PIP5K1B: variants seen among roughly 807,000 people sequenced by gnomAD.
PIP5K1B encodes phosphatidylinositol 4-phosphate 5-kinase type-1 beta.
In PIP5K1B, 42 loss-of-function variants were observed where a neutral mutation model predicts 67.0. The observed-to-expected ratio is 0.63, with a 90% CI of 0.49 to 0.81. The LOEUF is 0.81. Ranked by LOEUF, PIP5K1B falls within the 30% of genes least tolerant of loss-of-function variation. The pLI is 0.00. For missense variants in PIP5K1B, 459 were observed against 646.3 expected, an observed-to-expected ratio of 0.71 and a Z score of 3.14; for synonymous variants, 214 against 231.4, an observed-to-expected ratio of 0.92 and a Z score of 0.68.
Position 68,935,011 on chromosome 9 carries a change from T to C in PIP5K1B, c.1323T>C (p.Thr441=), listed in dbSNP as rs1411202436. The change falls in exon 13 of 16, where the codon ACT becomes ACC. Residue 441 remains threonine, a synonymous_variant. Transcript: ENST00000265382. The part of the protein sequence containing the change: ...EWKDEKRDLL[T]EGQSFSSLDE... ...AGGATGAGAAGCGGGATTTGCTGAC[T>C]GAAGGACAAAGTTTTAGCAGCCTTG... 2 of 1,613,634 alleles carry C rather than the reference T, an allele frequency of 1.2e-6. No individual in the cohort carries two copies. Among genetic ancestry groups the C allele is most frequent in the Non-Finnish European group, 1.7e-6 (2 of 1,179,750 alleles).
chr9:68,769,959 A>G (rs765952606), intron 2 of PIP5K1B, among the ~76,000 whole-genome samples: 16 of 152,170 alleles, frequency 1.1e-4, no homozygotes, highest in Non-Finnish European at 1.6e-4. Context: ...CCACCTGCCT[A>G]CGGTGTGGCT....
At chr9:68,817,561 A>G (rs2039425) in intron 2 of PIP5K1B, among the ~76,000 whole-genome samples, 104,901 of 152,036 alleles carry the variant, frequency 0.69, 36,402 homozygotes, top group Admixed American at 0.77. Flanking sequence ...TTTAAATGAG[A>G]TAGATATATA....
At chr9:68,993,226 C>A (rs543961415) in intron 15 of PIP5K1B, among the ~76,000 whole-genome samples, 1 of 152,170 alleles carries the variant, frequency 6.6e-6, no homozygotes, top group South Asian at 2.1e-4. Context: ...GACCTGCCCC[C>A]TCCCTGGGTC....
At chr9:68,940,191 C>T (rs1827487201) in intron 13 of PIP5K1B, among the ~76,000 whole-genome samples, 2 of 152,098 alleles carry the variant, frequency 1.3e-5, no homozygotes, top group Admixed American at 1.3e-4. Context: ...GTATTTGTTT[C>T]CCAGCTCTTG....
At chr9:68,970,497 G>A (rs1370334469) in intron 14 of PIP5K1B, among the ~76,000 whole-genome samples, 1 of 152,184 alleles carries the variant, frequency 6.6e-6, no homozygotes, top group Non-Finnish European at 1.5e-5. Context: ...ACAATATGTG[G>A]AAAAGTGTTG....
At chr9:68,899,368 ATCTT>A (rs1825247241) in intron 8 of PIP5K1B, among the ~76,000 whole-genome samples, 1 of 152,130 alleles carries the variant, frequency 6.6e-6, no homozygotes, top group African/African-American at 2.4e-5. Flanking sequence ...GGCTTAATCT[ATCTT>A]TATATCTACA....
intron 13 of PIP5K1B, among the ~76,000 whole-genome samples, chr9:68,936,495 A>G (rs7030361): frequency 0.025 from 3,776 of 151,998 alleles, 124 homozygotes; most frequent in African/African-American, 0.077. Context: ...AGATTTTTCT[A>G]TTAGTATATT....
chr9:68,743,262 G>A (rs958129067), intron 2 of PIP5K1B, among the ~76,000 whole-genome samples: 20 of 150,860 alleles, frequency 1.3e-4, no homozygotes, highest in African/African-American at 4.9e-4. Flanking sequence ...AGGCTAGAGT[G>A]GCACAACTAT....
At chr9:68,716,805 C>T (rs10115418) in intron 1 of PIP5K1B, among the ~76,000 whole-genome samples, 17,827 of 152,188 alleles carry the variant, frequency 0.12, 1,136 homozygotes, top group African/African-American at 0.13. Flanking sequence ...TTCATTGCAG[C>T]GCTATTCATA....
At chr9:68,933,373 A>AG (rs1201434256) in intron 12 of PIP5K1B, among the ~76,000 whole-genome samples, 4 of 152,222 alleles carry the variant, frequency 2.6e-5, no homozygotes, top group Non-Finnish European at 5.9e-5. Context: ...TCCTTGTAAA[A>AG]CAAGTGTAAC....
intron 2 of PIP5K1B, among the ~76,000 whole-genome samples, chr9:68,799,883 A>G (rs1396335815): frequency 6.6e-6 from 1 of 152,220 alleles, no homozygotes; most frequent in African/African-American, 2.4e-5. Context: ...AAGTGGACAG[A>G]TAGGACTAGG....
At chr9:68,864,612 A>G (rs1195614945) in intron 5 of PIP5K1B, among the ~76,000 whole-genome samples, 2 of 152,256 alleles carry the variant, frequency 1.3e-5, no homozygotes, top group Non-Finnish European at 2.9e-5. Flanking sequence ...AAAACTGTAC[A>G]CTTAAAAGTG....
intron 1 of PIP5K1B, among the ~76,000 whole-genome samples, chr9:68,736,537 G>A (rs1430387799): frequency 6.6e-6 from 1 of 152,124 alleles, no homozygotes; most frequent in African/African-American, 2.4e-5. Context: ...CAGTTCTGGA[G>A]GTCAGAGTCC....
At chr9:68,799,522 T>C (rs1199318348) in intron 2 of PIP5K1B, among the ~76,000 whole-genome samples, 1 of 152,126 alleles carries the variant, frequency 6.6e-6, no homozygotes, top group Non-Finnish European at 1.5e-5. Flanking sequence ...CAAAAGAGTA[T>C]GGCACTCTCA....
chr9:68,852,595 G>A (rs935608567), intron 4 of PIP5K1B, among the ~76,000 whole-genome samples: 3 of 152,230 alleles, frequency 2.0e-5, no homozygotes, highest in African/African-American at 4.8e-5. Flanking sequence ...GCCCTTTGAT[G>A]TGGCCTTACT....
At chr9:68,871,479 G>A (rs938420393) in intron 5 of PIP5K1B, among the ~76,000 whole-genome samples, 7 of 152,254 alleles carry the variant, frequency 4.6e-5, no homozygotes, top group African/African-American at 9.6e-5. Context: ...CTGAACATAC[G>A]TTGCCATTAA....
chr9:68,783,247 C>G (rs1831403636), intron 2 of PIP5K1B: 1 of 166,974 alleles, frequency 6.0e-6, no homozygotes, highest in Non-Finnish European at 1.5e-5. Context: ...TAGCTTCAAT[C>G]CTCTCCTCAT....
chr9:68,969,527 G>A (rs1829242867), intron 14 of PIP5K1B, among the ~76,000 whole-genome samples: 1 of 151,950 alleles, frequency 6.6e-6, no homozygotes, highest in South Asian at 2.1e-4. Context: ...TTATTCAACA[G>A]TACTAGGGGA....
At chr9:68,911,640 C>T (rs939170794) in intron 8 of PIP5K1B, among the ~76,000 whole-genome samples, 1 of 152,084 alleles carries the variant, frequency 6.6e-6, no homozygotes, top group East Asian at 1.9e-4. Flanking sequence ...CCTGTAATCC[C>T]AGCACTTTAG....
Sources: gnomAD v4.1 joint callset for allele counts (sites outside exome capture counted in the v4.1 genomes callset) on GRCh38, gnomAD v4.1.1 for gene constraint, MANE v1.5 for transcripts, NCBI Gene and HGNC (gene_info 2026-07-23, HGNC 2026-07-21) for gene names.